TMEM30A: variants seen among roughly 807,000 people sequenced by gnomAD.
The protein encoded by TMEM30A is cell cycle control protein 50A.
A neutral mutation model predicts 38.2 loss-of-function variants in TMEM30A; 24 were observed. The ratio of observed to expected loss-of-function variants is 0.63; its 90% CI spans 0.46 to 0.88. The LOEUF (loss-of-function observed/expected upper bound fraction) is 0.88. Among genes scored for constraint, TMEM30A ranks in the 40% least tolerant of loss-of-function variants. The pLI, the probability that TMEM30A is intolerant of heterozygous loss-of-function variation, is 0.00. For missense variants in TMEM30A, 370 were observed against 458.6 expected (o/e 0.81, Z 1.77); for synonymous variants, 145 against 161.6 (o/e 0.90, Z 0.78).
chr6:75,267,374 T>G (rs559622046), intron 2 of TMEM30A, among the ~76,000 whole-genome samples: 4 of 152,330 alleles, frequency 2.6e-5, no homozygotes, highest in African/African-American at 9.6e-5. Flanking sequence ...CGTACAGTCA[T>G]AACATTATCT....
rs1051873933 is a variant in TMEM30A at position 75,256,218 on chromosome 6, A to C, written c.970T>G (p.Phe324Val). The part of the protein sequence containing the change: ...TISWMGGKNP[F>V]LGIAYIAVGS... Reference sequence around the variant, plus strand: ...ACAGCGATGTAAGCAATCCCCAAAAATGGATTTTTTCCTCCCATCCATGAA... The same window carrying C: ...ACAGCGATGTAAGCAATCCCCAAAACTGGATTTTTTCCTCCCATCCATGAA... The change falls in exon 7 of 7, where the codon TTT becomes GTT. Residue 324 changes from phenylalanine to valine, a missense_variant. Physicochemically the swap from Phe to Val is conservative, Grantham distance 50. Coordinates refer to ENST00000230461, the MANE Select transcript of TMEM30A (RefSeq NM_018247.4). The C allele has an allele frequency of 1.9e-6, 3 of 1,613,542 alleles. No individual in the cohort carries two copies. Among genetic ancestry groups the C allele is most frequent in the Non-Finnish European group, 2.5e-6 (3 of 1,179,646 alleles).
chr6:75,265,323 A>C lies in TMEM30A; in HGVS notation c.361T>G (p.Tyr121Asp). 6.3e-7 allele frequency: 1 copy of C among 1,599,068 alleles called. No homozygotes were observed. The highest frequency in any genetic ancestry group is 8.5e-7 in the Non-Finnish European group (1 of 1,173,416). Reference protein sequence around the residue: ...EKSFEGNVFMYYGLSNFYQNH... With the variant: ...EKSFEGNVFMDYGLSNFYQNH... ...TGATAGAAATTAGACAGTCCATAAT[A>C]CATAAACACGTTGCCCTAGAGAAAC... Residue 121 changes from tyrosine (Y) to aspartate (D), a missense_variant, in exon 3 of 7, where the codon TAT becomes GAT. Transcript: ENST00000230461.
chr6:75,281,374 T>C lies in TMEM30A; in HGVS notation c.237+3028A>G, dbSNP rs545774384. Among the ~76,000 whole-genome samples the C allele has an allele frequency of 7.2e-5, 11 of 152,254 alleles. No homozygotes were observed. In the East Asian group the frequency reaches 1.9e-3, roughly 27 times the overall value. On this transcript the variant is annotated intron_variant, in intron 1 of 6. Coordinates refer to ENST00000230461, the MANE Select transcript of TMEM30A (RefSeq NM_018247.4). The stretch of plus-strand genomic sequence containing the variant: ...AAAGGAAATCTTCATTCCCTGCTCC[T>C]GATAATAAATGAAGATATTAAATAT...
chr6:75,261,650 T>G (rs1170323452), intron 3 of TMEM30A, among the ~76,000 whole-genome samples: 3 of 152,200 alleles, frequency 2.0e-5, no homozygotes, highest in African/African-American at 4.8e-5. Flanking sequence ...CCCGCCACAT[T>G]AAGCCATGTC....
intron 1 of TMEM30A, among the ~76,000 whole-genome samples, chr6:75,279,518 G>T (rs1772323480): frequency 6.6e-6 from 1 of 152,144 alleles, no homozygotes. Flanking sequence ...AAAAATTAAT[G>T]CTTACTAACG....
At chr6:75,268,975 T>C (rs1306040995) in intron 1 of TMEM30A, among the ~76,000 whole-genome samples, 2 of 152,184 alleles carry the variant, frequency 1.3e-5, no homozygotes, top group Non-Finnish European at 2.9e-5. Flanking sequence ...AAAGGCTTTT[T>C]TTTCCACCAT....
At chr6:75,270,111 T>C (rs1772140716) in intron 1 of TMEM30A, among the ~76,000 whole-genome samples, 1 of 152,190 alleles carries the variant, frequency 6.6e-6, no homozygotes, top group African/African-American at 2.4e-5. Context: ...GCTGAGTATG[T>C]TTACTTTTGT....
At chr6:75,276,706 G>C (rs1772265796) in intron 1 of TMEM30A, among the ~76,000 whole-genome samples, 1 of 152,192 alleles carries the variant, frequency 6.6e-6, no homozygotes, top group South Asian at 2.1e-4. Context: ...AAACATAAGT[G>C]AAATAATAAC....
At chr6:75,283,307 ATGTGTGTGTGTGTGTG>A (rs10545744) in intron 1 of TMEM30A, among the ~76,000 whole-genome samples, 2 of 148,450 alleles carry the variant, frequency 1.3e-5, no homozygotes, top group African/African-American at 2.5e-5. Flanking sequence ...ATTTATTAAA[ATGTGTGTGTGTGTGTG>A]TGTGTGTGTG....
In TMEM30A at chr6:75,253,457, A is replaced by G; in HGVS notation, c.*2645T>C. 1 of 152,558 alleles carries G rather than the reference A, an allele frequency of 6.6e-6. No individual in the cohort carries two copies. Among genetic ancestry groups the G allele is most frequent in the Non-Finnish European group, 1.5e-5 (1 of 68,008 alleles). The allele number at this position is 152,558 out of a possible 1,614,324, so 9.5% of individuals were successfully genotyped here. Reference sequence around the variant, plus strand: ...TTGTCACAGTGATTAATAAATACAAATATGAATTAATTTAACAATGAATTA... The same window carrying G: ...TTGTCACAGTGATTAATAAATACAAGTATGAATTAATTTAACAATGAATTA... On this transcript the variant is annotated 3_prime_UTR_variant, in exon 7 of 7. Coordinates refer to ENST00000230461, the MANE Select transcript of TMEM30A (RefSeq NM_018247.4).
rs200078610 is a variant in TMEM30A at position 75,284,405 on chromosome 6, G to C, written c.234C>G (p.Ile78Met). 14 of 1,613,808 alleles carry C rather than the reference G, an allele frequency of 8.7e-6. No individual in the cohort carries two copies. Among genetic ancestry groups the C allele is most frequent in the South Asian group, 3.3e-5 (3 of 91,080 alleles). ...IFVTSNNIRE[I>M]EIDYTGTEPS... Reference sequence around the variant, plus strand: ...CACCACAGCTCCCTCCCCTCACCTCGATCTCGCGGATGTTGTTGGAGGTGA... The same window carrying C: ...CACCACAGCTCCCTCCCCTCACCTCCATCTCGCGGATGTTGTTGGAGGTGA... Residue 78 changes from isoleucine (I) to methionine (M), a missense_variant, in exon 1 of 7, where the codon ATC (isoleucine) becomes ATG (methionine). Physicochemically the swap from Ile to Met is conservative, Grantham distance 10. Coordinates refer to ENST00000230461, the MANE Select transcript of TMEM30A (RefSeq NM_018247.4).
At chr6:75,274,463 G>C (rs572495581) in intron 1 of TMEM30A, among the ~76,000 whole-genome samples, 10 of 152,328 alleles carry the variant, frequency 6.6e-5, no homozygotes, top group Admixed American at 4.6e-4. Flanking sequence ...TGTGCAGAGA[G>C]ATTAAAGAGA....
chr6:75,270,808 A>G (rs1389257032), intron 1 of TMEM30A, among the ~76,000 whole-genome samples: 4 of 152,180 alleles, frequency 2.6e-5, no homozygotes, highest in African/African-American at 9.6e-5. Context: ...TCCTATAGAA[A>G]CAGTTTTCAT....
intron 1 of TMEM30A, chr6:75,284,161 A>G (rs1772415352): frequency 5.2e-6 from 3 of 579,864 alleles, no homozygotes; most frequent in Non-Finnish European, 9.2e-6. Context: ...ATTCCGTCTC[A>G]GCTCATTCCG....
Position 75,254,437 on chromosome 6 carries a change from C to T in TMEM30A, c.*1665G>A, listed in dbSNP as rs1008297543. 4 of 151,880 alleles carry T rather than the reference C, an allele frequency of 2.6e-5. No individual in the cohort carries two copies. The highest frequency in any genetic ancestry group is 3.9e-4 in the East Asian group (2 of 5,188). The allele number at this position is 151,880 out of a possible 1,614,324, so 9.4% of individuals were successfully genotyped here. ...TAGACAAAGAACACACCAAATACTC[C>T]GAAATTTCAGGATAACCATACATCA... On this transcript the variant is annotated 3_prime_UTR_variant, in exon 7 of 7. Coordinates refer to ENST00000230461, the MANE Select transcript of TMEM30A (RefSeq NM_018247.4).
chr6:75,278,719 T>G (rs990531563), intron 1 of TMEM30A, among the ~76,000 whole-genome samples: 8 of 152,324 alleles, frequency 5.3e-5, no homozygotes, highest in South Asian at 4.1e-4. Context: ...TAACTGATAG[T>G]GTAGCAATCA....
intron 1 of TMEM30A, among the ~76,000 whole-genome samples, chr6:75,268,854 G>A (rs2149521404): frequency 6.6e-6 from 1 of 152,270 alleles, no homozygotes; most frequent in South Asian, 2.1e-4. Flanking sequence ...TCTTGTTGGG[G>A]ACCATGCCCT....
intron 1 of TMEM30A, among the ~76,000 whole-genome samples, chr6:75,275,661 T>C (rs182674793): frequency 8.6e-4 from 131 of 152,356 alleles, no homozygotes; most frequent in African/African-American, 3.0e-3. Flanking sequence ...AAATATATTC[T>C]ATATCTAACT....
At chr6:75,278,534 G>C (rs1482976771) in intron 1 of TMEM30A, among the ~76,000 whole-genome samples, 1 of 152,080 alleles carries the variant, frequency 6.6e-6, no homozygotes, top group East Asian at 1.9e-4. Flanking sequence ...TAGAACCCTA[G>C]CTTCCATGCC....
Sources: allele counts gnomAD v4.1 joint callset (sites outside exome capture counted in the v4.1 genomes callset), GRCh38; gene constraint gnomAD v4.1.1; transcripts MANE v1.5; gene names NCBI Gene and HGNC (gene_info 2026-07-23, HGNC 2026-07-21).